The following GRIK1 variants were observed in gnomAD, a reference collection of about 807,000 sequenced individuals.
GRIK1 encodes the protein glutamate receptor ionotropic, kainate 1.
Under a neutral mutation model 105.7 loss-of-function variants are expected in GRIK1, and 69 were observed. That is an observed-to-expected ratio of 0.65 (90% CI 0.54 to 0.80). GRIK1 has a LOEUF of 0.80. GRIK1 is among the 30% of genes least tolerant of loss of function. The pLI, the probability that GRIK1 is intolerant of heterozygous loss-of-function variation, is 0.00. For synonymous variants in GRIK1, 438 were observed against 431.3 expected, an observed-to-expected ratio of 1.02 and a Z score of -0.19; for missense variants, 1,109 against 1,167.3, an observed-to-expected ratio of 0.95 and a Z score of 0.73.
intron 1 of GRIK1, among the ~76,000 whole-genome samples, chr21:29,852,145 T>C (rs2068327360): frequency 6.6e-6 from 1 of 152,212 alleles, no homozygotes; most frequent in African/African-American, 2.4e-5. Context: ...ATCTCTTTTG[T>C]TCTTGAAGGA....
chr21:29,811,148 A>G (rs2145890418), intron 1 of GRIK1, among the ~76,000 whole-genome samples: 1 of 152,200 alleles, frequency 6.6e-6, no homozygotes, highest in Admixed American at 6.5e-5. Flanking sequence ...ATTCCATCGC[A>G]TTCTTGGTGA....
chr21:29,848,561 A>C (rs1162158484), intron 1 of GRIK1, among the ~76,000 whole-genome samples: 9 of 151,934 alleles, frequency 5.9e-5, no homozygotes, highest in Admixed American at 5.9e-4. Context: ...TGCTTGTCAA[A>C]ATCTTATTCA....
intron 1 of GRIK1, among the ~76,000 whole-genome samples, chr21:29,895,959 T>C (rs944421852): frequency 9.2e-5 from 14 of 152,244 alleles, no homozygotes; most frequent in African/African-American, 2.9e-4. Context: ...CCAGCCACAC[T>C]GACCTCTGTG....
At chr21:29,900,595 A>T (rs1343841933) in intron 1 of GRIK1, among the ~76,000 whole-genome samples, 1 of 152,178 alleles carries the variant, frequency 6.6e-6, no homozygotes, top group Non-Finnish European at 1.5e-5. Flanking sequence ...TAACTACCCT[A>T]AATATATATG....
At chr21:29,629,949 C>G (rs986865995) in intron 7 of GRIK1, among the ~76,000 whole-genome samples, 5 of 152,106 alleles carry the variant, frequency 3.3e-5, no homozygotes, top group East Asian at 1.9e-4. Flanking sequence ...TGTTGGACAC[C>G]GTGGATTTGC....
intron 16 of GRIK1, chr21:29,553,602 G>A (rs576212248): frequency 5.5e-5 from 88 of 1,604,846 alleles, no homozygotes; most frequent in South Asian, 1.3e-4. Context: ...CTCTCCTCTC[G>A]AATTAATTTA....
intron 7 of GRIK1, among the ~76,000 whole-genome samples, chr21:29,620,162 T>C (rs894738787): frequency 6.6e-6 from 1 of 152,230 alleles, no homozygotes; most frequent in Non-Finnish European, 1.5e-5. Flanking sequence ...TTAGGATGTG[T>C]AACTGCATGC....
intron 1 of GRIK1, among the ~76,000 whole-genome samples, chr21:29,851,056 CT>C (rs11301678): frequency 0.31 from 45,528 of 146,284 alleles, 7,237 homozygotes; most frequent in East Asian, 0.46. Flanking sequence ...GAAATGATTT[CT>C]TTTTTTTTTT....
intron 1 of GRIK1, among the ~76,000 whole-genome samples, chr21:29,938,800 T>G (rs1231210732): frequency 1.3e-5 from 2 of 152,098 alleles, no homozygotes; most frequent in Non-Finnish European, 2.9e-5. Context: ...ATCTGAACTC[T>G]GCCCCAATCT....
chr21:29,921,288 T>A (rs1051453114), intron 1 of GRIK1, among the ~76,000 whole-genome samples: 3 of 152,124 alleles, frequency 2.0e-5, no homozygotes, highest in African/African-American at 7.2e-5. Flanking sequence ...ATAAGTGTAA[T>A]GGAAAGGGTG....
chr21:29,755,301 A>G (rs1043590783), intron 1 of GRIK1, among the ~76,000 whole-genome samples: 8 of 152,238 alleles, frequency 5.3e-5, no homozygotes, highest in African/African-American at 1.9e-4. Context: ...AATCAGGCAT[A>G]AGGCAGATTA....
At chr21:29,737,032 GT>G (rs969628518) in intron 1 of GRIK1, among the ~76,000 whole-genome samples, 10 of 151,942 alleles carry the variant, frequency 6.6e-5, no homozygotes, top group African/African-American at 9.7e-5. Context: ...GAAAATGTGA[GT>G]TTTTTTTCAG....
chr21:29,881,696 C>CCCTTTCTTCTTCT (rs1169651895), intron 1 of GRIK1, among the ~76,000 whole-genome samples: 1 of 152,090 alleles, frequency 6.6e-6, no homozygotes, highest in Non-Finnish European at 1.5e-5. Context: ...AATTCCCTGT[C>CCCTTTCTTCTTCT]CCTTTCTTCT....
At chr21:29,896,321 C>T (rs2070157544) in intron 1 of GRIK1, among the ~76,000 whole-genome samples, 1 of 152,158 alleles carries the variant, frequency 6.6e-6, no homozygotes, top group Non-Finnish European at 1.5e-5. Context: ...GGTAAAATTT[C>T]AGTATCACAC....
intron 1 of GRIK1, among the ~76,000 whole-genome samples, chr21:29,815,741 C>T (rs935654557): frequency 5.3e-5 from 8 of 152,012 alleles, no homozygotes; most frequent in African/African-American, 1.9e-4. Flanking sequence ...ATTAAAAATA[C>T]TCAACAACTA....
Position 29,785,869 on chromosome 21 carries a change from A to G in GRIK1, c.119-91806T>C, listed in dbSNP as rs1055106336. Among the ~76,000 whole-genome samples the G allele has an allele frequency of 5.9e-5, 9 of 152,330 alleles. No individual in the cohort carries two copies. In the Middle Eastern group the frequency reaches 0.01, roughly 173 times the overall value. On this transcript the variant is annotated intron_variant, in intron 1 of 17. Transcript: ENST00000327783. ...TGCTGCCACAGTGAAAGAATGGGCT[A>G]GGGGACAAGCCTATATTGCCTCTGT...
At chr21:29,866,989 A>C (rs1305204064) in intron 1 of GRIK1, among the ~76,000 whole-genome samples, 1 of 152,212 alleles carries the variant, frequency 6.6e-6, no homozygotes, top group East Asian at 1.9e-4. Flanking sequence ...GTTTGAACCC[A>C]GTGGATGGTC....
intron 7 of GRIK1, among the ~76,000 whole-genome samples, chr21:29,610,209 A>G (rs2061702463): frequency 6.6e-6 from 1 of 152,320 alleles, no homozygotes; most frequent in Admixed American, 6.5e-5. Context: ...GTGCAGATGC[A>G]TTTCTTGAAT....
chr21:29,590,013 C>T (rs1213666814), intron 10 of GRIK1, among the ~76,000 whole-genome samples: 1 of 152,178 alleles, frequency 6.6e-6, no homozygotes, highest in Non-Finnish European at 1.5e-5. Flanking sequence ...TCAGTCCCCT[C>T]TCCTATAAAT....
Sources: allele counts gnomAD v4.1 joint callset (sites outside exome capture counted in the v4.1 genomes callset), GRCh38; gene constraint gnomAD v4.1.1; transcripts MANE v1.5; gene names NCBI Gene and HGNC (gene_info 2026-07-23, HGNC 2026-07-21).